The following SETBP1 variants were observed in gnomAD, a reference collection of about 807,000 sequenced individuals.
SETBP1 encodes the protein SET binding protein 1.
SETBP1 carries 9 observed loss-of-function variants against 101.0 expected under a neutral mutation model. That is an observed-to-expected ratio of 0.09 (90% CI 0.05 to 0.16). The LOEUF is 0.16. SETBP1 is among the 10% of genes least tolerant of loss of function. The pLI is 1.00. For synonymous variants in SETBP1, 818 were observed against 788.5 expected (o/e 1.04, Z -0.63); for missense variants, 1,858 against 2,033.8 (o/e 0.91, Z 1.66).
chr18:44,966,911 A>G (rs1039772022), intron 4 of SETBP1, among the ~76,000 whole-genome samples: 2 of 152,256 alleles, frequency 1.3e-5, no homozygotes, highest in African/African-American at 4.8e-5. Flanking sequence ...TATGAGAGCC[A>G]AAGAAGGGTA....
chr18:44,782,747 G>A (rs1050376594), intron 2 of SETBP1, among the ~76,000 whole-genome samples: 2 of 152,094 alleles, frequency 1.3e-5, no homozygotes, highest in African/African-American at 4.8e-5. Context: ...GTCTAGGTCA[G>A]TCTGGAACTT....
upstream of SETBP1, chr18:44,680,437 C>T (rs2068739587): frequency 6.6e-6 from 1 of 151,866 alleles, no homozygotes; most frequent in Admixed American, 6.6e-5. Flanking sequence ...CCCGGGCGCC[C>T]AGCCTCCCTC....
chr18:44,886,708 A>G (rs1050405277), intron 3 of SETBP1, among the ~76,000 whole-genome samples: 2 of 151,412 alleles, frequency 1.3e-5, no homozygotes, highest in African/African-American at 4.8e-5. Flanking sequence ...GATTTTCATT[A>G]GTTTGGCAAT....
At chr18:44,958,307 C>T (rs2071536398) in intron 4 of SETBP1, among the ~76,000 whole-genome samples, 2 of 152,212 alleles carry the variant, frequency 1.3e-5, no homozygotes, top group South Asian at 2.1e-4. Context: ...CTATGAGACT[C>T]ATCCCATTCA....
At chr18:44,787,894 TAAGGAAAAA>T (rs2071278498) in intron 2 of SETBP1, among the ~76,000 whole-genome samples, 1 of 121,286 alleles carries the variant, frequency 8.2e-6, no homozygotes, top group Non-Finnish European at 1.8e-5. Flanking sequence ...AATTGTTCTC[TAAGGAAAAA>T]AAGGAAATAA....
At chr18:44,681,494 A>G (rs557653374) in intron 1 of SETBP1, among the ~76,000 whole-genome samples, 1 of 152,072 alleles carries the variant, frequency 6.6e-6, no homozygotes, top group South Asian at 2.1e-4. Flanking sequence ...CTAAAAAAAT[A>G]AGTTAACTGC....
In SETBP1 at chr18:44,953,315, T is replaced by A. The variant is rs192800556; in HGVS notation, c.3975T>A (p.Ser1325Arg). 6.2e-6 allele frequency: 10 copies of A among 1,613,850 alleles called. No individual in the cohort carries two copies. In the Admixed American group the frequency reaches 1.7e-4, roughly 27 times the overall value. The change falls in exon 4 of 6, where the codon AGT becomes AGA. Residue 1325 changes from serine to arginine, a missense_variant. By Grantham distance (110) the Ser-to-Arg change is moderately radical. This residue lies in a region of SETBP1 where 417 missense variants were observed against 389.1 expected (regional missense o/e 1.07). Transcript: ENST00000649279. The stretch of plus-strand genomic sequence containing the variant: ...TCAAGATGAACCGCAAGGAGAGAAG[T>A]TCTTATGACTCCTCCATGTCTCCAG... ...QAFKMNRKERSSYDSSMSPGM... is the reference protein window; with the variant it reads ...QAFKMNRKERRSYDSSMSPGM...
chr18:44,933,685 A>C (rs1234227123), intron 3 of SETBP1, among the ~76,000 whole-genome samples: 3 of 152,150 alleles, frequency 2.0e-5, no homozygotes, highest in African/African-American at 7.2e-5. Context: ...GCAGCCTTGC[A>C]GTTTGATCTC....
intron 2 of SETBP1, among the ~76,000 whole-genome samples, chr18:44,784,142 A>C (rs1003127354): frequency 6.6e-6 from 1 of 152,234 alleles, no homozygotes; most frequent in African/African-American, 2.4e-5. Context: ...TGGATGAAAG[A>C]TATTCTAATT....
chr18:44,762,499 G>C (rs2070674844), intron 2 of SETBP1, among the ~76,000 whole-genome samples: 3 of 152,212 alleles, frequency 2.0e-5, no homozygotes, highest in African/African-American at 7.2e-5. Flanking sequence ...AGCACGCAGT[G>C]CTTAGAGCAG....
intron 4 of SETBP1, among the ~76,000 whole-genome samples, chr18:45,013,462 CAG>C (rs2072880805): frequency 7.0e-6 from 1 of 143,872 alleles, no homozygotes; most frequent in Non-Finnish European, 1.5e-5. Flanking sequence ...TTTTTTGAGA[CAG>C]AGTCTTGCTC....
chr18:45,056,005 G>A (rs184078528), intron 5 of SETBP1, among the ~76,000 whole-genome samples: 5 of 152,268 alleles, frequency 3.3e-5, no homozygotes, highest in Non-Finnish European at 1.5e-5. Context: ...ACTGTAAAGG[G>A]ACATTAAGTG....
chr18:44,823,754 AGCCAAAG>A (rs2072169469), intron 2 of SETBP1, among the ~76,000 whole-genome samples: 1 of 152,210 alleles, frequency 6.6e-6, no homozygotes, highest in Non-Finnish European at 1.5e-5. Flanking sequence ...TATATAGGAG[AGCCAAAG>A]ATCTGTGAGA....
intron 3 of SETBP1, among the ~76,000 whole-genome samples, chr18:44,912,662 C>T (rs907227843): frequency 6.6e-6 from 1 of 152,076 alleles, no homozygotes; most frequent in Non-Finnish European, 1.5e-5. Context: ...GGTGATCCAC[C>T]CACCTCAGCC....
chr18:44,810,124 C>T (rs1304258031), intron 2 of SETBP1, among the ~76,000 whole-genome samples: 2 of 152,200 alleles, frequency 1.3e-5, no homozygotes, highest in East Asian at 3.9e-4. Context: ...CTTCATTTCT[C>T]AAAATATTCC....
At chr18:44,757,685 G>A (rs893243670) in intron 2 of SETBP1, among the ~76,000 whole-genome samples, 2 of 151,890 alleles carry the variant, frequency 1.3e-5, no homozygotes, top group Non-Finnish European at 2.9e-5. Flanking sequence ...GAAATATTTA[G>A]CAGATAATGA....
In SETBP1 at chr18:44,950,209, C is replaced by T. The variant is rs1304868687; in HGVS notation, c.869C>T (p.Ala290Val). 1 of 1,613,900 alleles carries T rather than the reference C, an allele frequency of 6.2e-7. No individual in the cohort carries two copies. Among genetic ancestry groups the T allele is most frequent in the Admixed American group, 1.7e-5 (1 of 60,038 alleles). The change falls in exon 4 of 6, where the codon GCT (alanine) becomes GTT (valine). Residue 290 changes from alanine (A) to valine (V), a missense_variant. Physicochemically the swap from Ala to Val is moderately conservative, Grantham distance 64. Transcript: ENST00000649279. Reference sequence around the variant, plus strand: ...AAAGATCTGCTCTTGGGAGGTGTGGCTCCATCCCCAAGCAGCCACAGCTCA... The same window carrying T: ...AAAGATCTGCTCTTGGGAGGTGTGGTTCCATCCCCAAGCAGCCACAGCTCA... ...NNKDLLLGGV[A>V]PSPSSHSSPA...
At chr18:45,027,181 G>A (rs543631287) in intron 4 of SETBP1, among the ~76,000 whole-genome samples, 2 of 152,256 alleles carry the variant, frequency 1.3e-5, no homozygotes, top group South Asian at 4.1e-4. Context: ...ACTCTTTAAT[G>A]TAAATCTATT....
intron 3 of SETBP1, among the ~76,000 whole-genome samples, chr18:44,909,719 C>T (rs1299356437): frequency 6.6e-6 from 1 of 152,172 alleles, no homozygotes; most frequent in African/African-American, 2.4e-5. Context: ...CCTGATTCTA[C>T]AGATGACAAA....
Sources: gnomAD v4.1 joint callset for allele counts (sites outside exome capture counted in the v4.1 genomes callset) on GRCh38, gnomAD v4.1.1 for gene constraint, gnomAD v4.1.1 regional missense constraint, MANE v1.5 for transcripts, NCBI Gene and HGNC (gene_info 2026-07-23, HGNC 2026-07-21) for gene names.